Variants in DCLK1 observed in about 807,000 individuals in gnomAD.
DCLK1 encodes doublecortin like kinase 1.
In DCLK1, 16 loss-of-function variants were observed where a neutral mutation model predicts 86.2. The ratio of observed to expected loss-of-function variants is 0.19; its 90% confidence interval spans 0.13 to 0.28. DCLK1 has a LOEUF of 0.28. Among genes scored for constraint, DCLK1 ranks in the 10% least tolerant of loss-of-function variants. DCLK1 has a pLI of 1.00. For missense variants in DCLK1, 590 were observed against 940.2 expected (o/e 0.63, Z 4.87); for synonymous variants, 369 against 370.5 (o/e 1.00, Z 0.05).
chr13:35,809,810 G>A (rs575741436), intron 12 of DCLK1, among the ~76,000 whole-genome samples: 3 of 152,230 alleles, frequency 2.0e-5, no homozygotes, highest in East Asian at 1.9e-4. Flanking sequence ...CTCACATCTC[G>A]CCTCAGGAAT....
At chr13:36,059,819 C>G (rs989894911) in intron 3 of DCLK1, among the ~76,000 whole-genome samples, 1 of 151,484 alleles carries the variant, frequency 6.6e-6, no homozygotes, top group Admixed American at 6.6e-5. Context: ...AGGAGAATTT[C>G]TATTAGTATA....
chr13:35,789,566 G>T (rs942177612), intron 16 of DCLK1, among the ~76,000 whole-genome samples: 1 of 152,156 alleles, frequency 6.6e-6, no homozygotes, highest in Admixed American at 6.5e-5. Flanking sequence ...AAGCTTCCCA[G>T]TGTCACAATT....
At chr13:36,000,251 AT>A (rs1236680021) in intron 3 of DCLK1, among the ~76,000 whole-genome samples, 3 of 152,084 alleles carry the variant, frequency 2.0e-5, no homozygotes, top group African/African-American at 2.4e-5. Flanking sequence ...CTCTACTGTC[AT>A]TTTTTCCCCC....
At chr13:35,911,571 T>C (rs1407491739) in intron 4 of DCLK1, among the ~76,000 whole-genome samples, 1 of 152,180 alleles carries the variant, frequency 6.6e-6, no homozygotes, top group East Asian at 1.9e-4. Context: ...TGTTGTAGTA[T>C]TTATGCCTTA....
intron 14 of DCLK1, among the ~76,000 whole-genome samples, chr13:35,807,744 A>G (rs2087058283): frequency 6.6e-6 from 1 of 152,260 alleles, no homozygotes; most frequent in Admixed American, 6.5e-5. Context: ...ATAGCACACC[A>G]GATGGACACA....
intron 3 of DCLK1, among the ~76,000 whole-genome samples, chr13:35,977,659 C>T (rs1879415364): frequency 6.6e-6 from 1 of 152,070 alleles, no homozygotes; most frequent in African/African-American, 2.4e-5. Flanking sequence ...GACCAGATCA[C>T]AGCCAGAGAT....
intron 16 of DCLK1, among the ~76,000 whole-genome samples, chr13:35,784,874 C>T (rs1461311365): frequency 6.6e-6 from 1 of 152,172 alleles, no homozygotes; most frequent in African/African-American, 2.4e-5. Context: ...CCTTCTCACA[C>T]CACACGGAGG....
rs74580686 is a variant in DCLK1 at position 35,839,162 on chromosome 13, G to A, written c.1050C>T (p.Gly350=). The change falls in exon 7 of 17, where the codon GGC becomes GGT. Residue 350 remains glycine, a synonymous_variant. Transcript: ENST00000360631. ...SLRKQRSSQH[G]GSSTSLASTK... Reference sequence around the variant, plus strand: ...TGGACGCAAGTGACGTAGAGGAGCCGCCATGCTGAGAGCTCTGTAGGGGAA... The same window carrying A: ...TGGACGCAAGTGACGTAGAGGAGCCACCATGCTGAGAGCTCTGTAGGGGAA... 993 of 1,583,254 alleles carry A rather than the reference G, an allele frequency of 6.3e-4. 8 individuals are homozygous for A. The African/African-American group carries it at 0.012, about 18-fold the overall frequency.
intron 3 of DCLK1, among the ~76,000 whole-genome samples, chr13:36,085,598 T>C (rs1884564008): frequency 6.6e-6 from 1 of 152,166 alleles, no homozygotes; most frequent in African/African-American, 2.4e-5. Context: ...TTTCCCTAAT[T>C]TTTTCTATCA....
chr13:35,784,709 T>A (rs2086587209), intron 16 of DCLK1, among the ~76,000 whole-genome samples: 1 of 152,136 alleles, frequency 6.6e-6, no homozygotes. Context: ...GGGTGGAGCA[T>A]CTGCCCTGGC....
At chr13:36,101,879 T>C (rs947712048) in intron 3 of DCLK1, among the ~76,000 whole-genome samples, 1 of 151,978 alleles carries the variant, frequency 6.6e-6, no homozygotes, top group African/African-American at 2.4e-5. Flanking sequence ...GAGTGGCTGG[T>C]ATTACAGGCA....
chr13:35,985,391 C>CA lies in DCLK1; in HGVS notation c.724-37935dup, dbSNP rs139242465. On this transcript the variant is annotated intron_variant, in intron 3 of 16. Coordinates refer to ENST00000360631, the MANE Select transcript of DCLK1 (RefSeq NM_001330071.2). The stretch of plus-strand genomic sequence containing the variant: ...GCCTGCTCTTTGAAAAACAAACAAA[C>CA]AAAAAAAAAAAATTGGAGTACTGAA... Among the ~76,000 whole-genome samples, 774 of 139,350 alleles carry CA rather than the reference C, an allele frequency of 5.6e-3. 6 individuals carry two copies. The highest frequency in any genetic ancestry group is 4.7e-3 in the Non-Finnish European group (296 of 63,082). The allele number at this position is 139,350 out of a possible 152,430, so 91.4% of individuals were successfully genotyped here.
intron 15 of DCLK1, among the ~76,000 whole-genome samples, chr13:35,800,541 A>G (rs1191993831): frequency 6.6e-6 from 1 of 152,216 alleles, no homozygotes; most frequent in African/African-American, 2.4e-5. Flanking sequence ...GGGCAAGAAT[A>G]CGGCAGAGCA....
chr13:36,044,827 T>A (rs1882820204), intron 3 of DCLK1, among the ~76,000 whole-genome samples: 1 of 151,936 alleles, frequency 6.6e-6, no homozygotes, highest in South Asian at 2.1e-4. Flanking sequence ...AATAAACATA[T>A]TTTTTTAAGA....
intron 3 of DCLK1, among the ~76,000 whole-genome samples, chr13:35,987,676 G>A (rs1025264936): frequency 6.6e-6 from 1 of 152,050 alleles, no homozygotes; most frequent in Non-Finnish European, 1.5e-5. Flanking sequence ...TCTTTTCACG[G>A]ATGAAATGGG....
chr13:36,025,102 G>A (rs1262611274), intron 3 of DCLK1, among the ~76,000 whole-genome samples: 1 of 151,880 alleles, frequency 6.6e-6, no homozygotes, highest in African/African-American at 2.4e-5. Flanking sequence ...TGAGTAGCTG[G>A]GATTACAGGC....
intron 3 of DCLK1, among the ~76,000 whole-genome samples, chr13:36,064,616 G>A (rs574659539): frequency 9.9e-5 from 15 of 150,788 alleles, no homozygotes; most frequent in African/African-American, 7.3e-5. Flanking sequence ...CTGAGATAGC[G>A]CCACTGCACT....
In DCLK1 at chr13:35,988,322, G is replaced by A. The variant is rs777577439; in HGVS notation, c.724-40865C>T. 7.2e-5 allele frequency among the ~76,000 whole-genome samples: 11 copies of A among 152,196 alleles called. No homozygotes were observed. The South Asian group carries it at 1.2e-3, about 17-fold the overall frequency. On this transcript the variant is annotated intron_variant, in intron 3 of 16. Transcript: ENST00000360631. ...CGACACCGCGGCCTGATGCATGTGCGAGGTGAGGGTGCCCGTTTTGTACCA... is the reference window on the plus strand; with the variant it reads ...CGACACCGCGGCCTGATGCATGTGCAAGGTGAGGGTGCCCGTTTTGTACCA...
At chr13:35,907,265 T>C (rs1270962761) in intron 4 of DCLK1, among the ~76,000 whole-genome samples, 1 of 152,198 alleles carries the variant, frequency 6.6e-6, no homozygotes, top group Non-Finnish European at 1.5e-5. Context: ...CGGACTCAAG[T>C]GAGCCTCCCA....
Sources: allele counts gnomAD v4.1 joint callset (sites outside exome capture counted in the v4.1 genomes callset), GRCh38; gene constraint gnomAD v4.1.1; transcripts MANE v1.5; gene names NCBI Gene and HGNC (gene_info 2026-07-23, HGNC 2026-07-21).